The following PGM1 variants were observed in gnomAD, a reference collection of about 807,000 sequenced individuals.
PGM1 encodes phosphoglucomutase 1, also known as phosphoglucomutase-1.
A neutral mutation model predicts 55.6 loss-of-function variants in PGM1; 52 were observed. The observed-to-expected ratio is 0.94, with a 90% CI of 0.75 to 1.18. PGM1 has a LOEUF of 1.18. Ranked by LOEUF, PGM1 falls within the 50% of genes most tolerant of loss-of-function variation. PGM1 has a pLI of 0.00. For missense variants in PGM1, 724 were observed against 729.3 expected (o/e 0.99, Z 0.08); for synonymous variants, 287 against 271.7 (o/e 1.06, Z -0.55).
rs61760978 is a variant in PGM1, at chr1:63,654,382, C to T, written c.1515C>T (p.Ser505=). 355 of 1,613,678 alleles carry T rather than the reference C, an allele frequency of 2.2e-4. 1 individual carries two copies. Among genetic ancestry groups the T allele is most frequent in the Admixed American group, 3.7e-4 (22 of 60,024 alleles). ...TDGSRIVFRL[S]GTGSAGATIR... ...GTTCTCGAATCGTCTTCCGACTGAG[C>T]GGCACTGGGAGTGCCGGGGCCACCA... Residue 505 remains serine, a synonymous_variant, in exon 10 of 11, where the codon AGC becomes AGT. Coordinates refer to ENST00000371084, the MANE Select transcript of PGM1 (RefSeq NM_002633.3).
At chr1:63,611,436 G>A (rs552764626) in intron 1 of PGM1, among the ~76,000 whole-genome samples, 38 of 152,212 alleles carry the variant, frequency 2.5e-4, no homozygotes, top group African/African-American at 8.4e-4. Flanking sequence ...GGAGGCCGCC[G>A]GTGACTCAGC....
chr1:63,608,486 T>C (rs1455876668), intron 1 of PGM1, among the ~76,000 whole-genome samples: 2 of 152,272 alleles, frequency 1.3e-5, no homozygotes, highest in East Asian at 3.9e-4. Flanking sequence ...CTCGACTGTG[T>C]GAAATTGTCC....
intron 1 of PGM1, among the ~76,000 whole-genome samples, chr1:63,607,701 C>A (rs958845533): frequency 2.0e-5 from 3 of 152,076 alleles, no homozygotes; most frequent in Non-Finnish European, 4.4e-5. Flanking sequence ...CTTATATATC[C>A]AAATTAGTAT....
At chr1:63,613,763 A>T (rs550099461) in intron 1 of PGM1, among the ~76,000 whole-genome samples, 1 of 136,050 alleles carries the variant, frequency 7.4e-6, no homozygotes, top group Non-Finnish European at 1.5e-5. Flanking sequence ...CATGACATCT[A>T]TACTCTGTCC....
chr1:63,634,854 C>G lies in PGM1; in HGVS notation c.708C>G (p.Ile236Met), dbSNP rs200237046. The change falls in exon 5 of 11, where the codon ATC becomes ATG. Residue 236 changes from isoleucine to methionine, a missense_variant. Ile to Met is a conservative substitution (Grantham distance 10). Around this residue, in one of 3 missense-constraint regions of PGM1, gnomAD observed 379 missense variants for 357.5 expected, o/e 1.06. Coordinates refer to ENST00000371084, the MANE Select transcript of PGM1 (RefSeq NM_002633.3). ...TTGTGGGACCGTATGTAAAGAAGATCCTCTGTGAAGAACTCGGTGCCCCTG... is the reference window on the plus strand; with the variant it reads ...TTGTGGGACCGTATGTAAAGAAGATGCTCTGTGAAGAACTCGGTGCCCCTG... The part of the protein sequence containing the change: ...HGVVGPYVKK[I>M]LCEELGAPAN... 2.0e-5 allele frequency: 32 copies of G among 1,613,464 alleles called. No individual in the cohort carries two copies. The East Asian group carries it at 7.1e-4, about 36-fold the overall frequency.
chr1:63,612,486 G>A (rs1293005290), intron 1 of PGM1, among the ~76,000 whole-genome samples: 1 of 152,138 alleles, frequency 6.6e-6, no homozygotes, highest in Non-Finnish European at 1.5e-5. Context: ...TGGTTGTGTT[G>A]TATCCTACTG....
Position 63,648,725 on chromosome 1 carries a change from C to T in PGM1, c.1280+73C>T. Reference sequence around the variant, plus strand: ...AGAGAGAATTCTTGCGCATCCACAGCCTCTCCTGTCTTAAGTGCTAATAAA... The same window carrying T: ...AGAGAGAATTCTTGCGCATCCACAGTCTCTCCTGTCTTAAGTGCTAATAAA... On this transcript the variant is annotated intron_variant, in intron 8 of 10. Coordinates refer to ENST00000371084, the MANE Select transcript of PGM1 (RefSeq NM_002633.3). 3 of 1,500,580 alleles carry T rather than the reference C, an allele frequency of 2.0e-6. No homozygotes were observed. In the South Asian group the frequency reaches 3.4e-5, roughly 17 times the overall value. 93.0% of individuals were successfully genotyped at this position (1,500,580 alleles called of 1,614,324 possible).
chr1:63,623,367 G>A lies in PGM1; in HGVS notation c.247-6058G>A, dbSNP rs548243818. ...AACCCTCTATTTTAGTTACTCATAC[G>A]ACACTGTTGCAGCTTCAGGTTGGAC... On this transcript the variant is annotated intron_variant, in intron 1 of 10. Transcript: ENST00000371084. The A allele has an allele frequency of 6.0e-5, 92 of 1,528,410 alleles. No individual in the cohort carries two copies. In the African/African-American group the frequency reaches 1.1e-3, roughly 18 times the overall value. The allele number at this position is 1,528,410 out of a possible 1,614,324, so 94.7% of individuals were successfully genotyped here. A position where few individuals can be genotyped will look rare whatever the true frequency, so the allele number is the denominator to read the frequency against.
At chr1:63,656,415 C>T (rs1649967539) in intron 10 of PGM1, among the ~76,000 whole-genome samples, 1 of 152,146 alleles carries the variant, frequency 6.6e-6, no homozygotes, top group Admixed American at 6.5e-5. Context: ...TACTAATATA[C>T]GATCCAGTAA....
chr1:63,654,287 G>A (rs769760680), intron 9 of PGM1, 45 bp from the exon 10 acceptor site: 393 of 1,607,942 alleles, frequency 2.4e-4, no homozygotes, highest in Non-Finnish European at 3.1e-4. Flanking sequence ...CCAGCCTTCA[G>A]TCTCCCAGCA....
chr1:63,652,987 A>T (rs141198465), intron 9 of PGM1, among the ~76,000 whole-genome samples: 1 of 152,306 alleles, frequency 6.6e-6, no homozygotes, highest in Non-Finnish European at 1.5e-5. Flanking sequence ...GGGATGGCAG[A>T]GTGGGACAGA....
chr1:63,593,692 G>A lies in PGM1; in HGVS notation c.204G>A (p.Lys68=), dbSNP rs760701799. The part of the protein sequence containing the change: ...VVGGDGRFYM[K]EAIQLIARIA... ...GCGGGGACGGCCGGTTCTACATGAA[G>A]GAGGCCATCCAGCTCATCGCTCGCA... The change falls in exon 1 of 11, where the codon AAG becomes AAA. Residue 68 remains lysine, a synonymous_variant. Coordinates refer to ENST00000371084, the MANE Select transcript of PGM1 (RefSeq NM_002633.3). The A allele has an allele frequency of 6.9e-6, 11 of 1,604,550 alleles. No homozygotes were observed. The Admixed American group carries it at 1.7e-4, about 25-fold the overall frequency.
chr1:63,633,691 G>A (rs923323097), intron 4 of PGM1, among the ~76,000 whole-genome samples: 2 of 149,632 alleles, frequency 1.3e-5, no homozygotes, highest in African/African-American at 4.9e-5. Context: ...TTTTTGAGAC[G>A]GAGTCTTGCC....
chr1:63,615,688 G>T (rs906567996), intron 1 of PGM1, among the ~76,000 whole-genome samples: 1 of 150,096 alleles, frequency 6.7e-6, no homozygotes, highest in African/African-American at 2.5e-5. Context: ...TCAGCCTCCT[G>T]AGTAGCTGGG....
rs1025867532 is a variant in PGM1, at chr1:63,629,692, G to C, written c.409+105G>C. ...GGTTTTGGTTCTGATCCTTTGCAGG[G>C]GGTAGGGAGGTGCTCTTTGCTTCCT... is the stretch of plus-strand genomic sequence containing the variant. On this transcript the variant is annotated intron_variant, in intron 2 of 10. Transcript: ENST00000371084. The C allele has an allele frequency of 1.3e-5, 15 of 1,158,958 alleles. No individual in the cohort carries two copies. The East Asian group carries it at 3.1e-4, about 24-fold the overall frequency. 71.8% of individuals were successfully genotyped at this position (1,158,958 alleles called of 1,614,324 possible).
At chr1:63,593,759 G>A (rs766310348) in intron 1 of PGM1, 25 bp downstream of exon 1, 3 of 1,570,702 alleles carry the variant, frequency 1.9e-6, no homozygotes, top group South Asian at 2.3e-5. Context: ...GCCCCGCGCC[G>A]CTGTGCACCC....
At chr1:63,630,514 TTAAG>T (rs1253914041) in intron 3 of PGM1, among the ~76,000 whole-genome samples, 1 of 152,146 alleles carries the variant, frequency 6.6e-6, no homozygotes, top group African/African-American at 2.4e-5. Context: ...CTGAGAGAGA[TTAAG>T]TAACAGGCTC....
intron 1 of PGM1, among the ~76,000 whole-genome samples, chr1:63,594,374 C>T (rs1028372342): frequency 6.6e-6 from 1 of 152,146 alleles, no homozygotes; most frequent in African/African-American, 2.4e-5. Flanking sequence ...GCCCTTTGCG[C>T]GGCCTGCTTG....
chr1:63,631,893 TTAAA>T (rs1336592061), intron 4 of PGM1, 111 bp downstream of exon 4: 3 of 1,053,042 alleles, frequency 2.8e-6, no homozygotes, highest in East Asian at 2.4e-5. Flanking sequence ...CTGATGGTTT[TTAAA>T]TAGAGTTATT....
Sources: allele counts gnomAD v4.1 joint callset (sites outside exome capture counted in the v4.1 genomes callset), GRCh38; gene constraint gnomAD v4.1.1; regional missense constraint gnomAD v4.1.1; transcripts MANE v1.5; gene names NCBI Gene and HGNC (gene_info 2026-07-23, HGNC 2026-07-21).